GRB10: variants seen among roughly 807,000 people sequenced by gnomAD.
GRB10 encodes the protein growth factor receptor-bound protein 10.
Under a neutral mutation model 80.9 loss-of-function variants are expected in GRB10, and 20 were observed. The observed-to-expected ratio is 0.25, with a 90% CI of 0.17 to 0.36. The LOEUF (loss-of-function observed/expected upper bound fraction) is 0.36, where lower values mean the gene tolerates loss of function less well. GRB10 is among the 10% of genes least tolerant of loss of function. The pLI is 1.00. For synonymous variants in GRB10, 291 were observed against 291.5 expected, an observed-to-expected ratio of 1.00 and a Z score of 0.02; for missense variants, 548 against 747.7, an observed-to-expected ratio of 0.73 and a Z score of 3.12.
intron 8 of GRB10, among the ~76,000 whole-genome samples, chr7:50,623,477 G>A (rs1466334974): frequency 1.3e-5 from 2 of 152,196 alleles, no homozygotes; most frequent in African/African-American, 2.4e-5. Flanking sequence ...ATCCACAAGC[G>A]CAGCACAGAG....
intron 3 of GRB10, among the ~76,000 whole-genome samples, chr7:50,742,336 T>C (rs2072027337): frequency 6.7e-6 from 1 of 150,330 alleles, no homozygotes; most frequent in Non-Finnish European, 1.5e-5. Context: ...CCATTCCCAC[T>C]GATCACAACA....
chr7:50,793,037 G>A (rs1473566339), intron 1 of GRB10: 1 of 143,264 alleles, frequency 7.0e-6, no homozygotes, highest in African/African-American at 2.5e-5. Flanking sequence ...GGCCCGGGGC[G>A]CCGGAGCCCC....
Position 50,755,955 on chromosome 7 carries a change from G to T in GRB10, c.-115C>A. 2.5e-6 allele frequency: 1 copy of T among 399,064 alleles called. No individual in the cohort carries two copies. Among genetic ancestry groups the T allele is most frequent in the African/African-American group, 2.1e-5 (1 of 48,776 alleles). The allele number at this position is 399,064 out of a possible 1,614,324, so 24.7% of individuals were successfully genotyped here. On this transcript the variant is annotated 5_prime_UTR_variant, in exon 3 of 19. Transcript: ENST00000401949. ...CCCTGGCTTCACTGAGAGGACCCAG[G>T]TGAGGACCTGGCTGCCGGTCACTGG...
chr7:50,599,713 C>T (rs947967362), intron 17 of GRB10, among the ~76,000 whole-genome samples: 1 of 152,188 alleles, frequency 6.6e-6, no homozygotes, highest in African/African-American at 2.4e-5. Context: ...TATCGCTTTA[C>T]AGGTCTGGAA....
In GRB10 at chr7:50,632,417, G is replaced by A. The variant is rs1258631080; in HGVS notation, c.505-5439C>T. Among the ~76,000 whole-genome samples the A allele has an allele frequency of 2.6e-5, 4 of 152,322 alleles. 1 individual carries two copies. In the South Asian group the frequency reaches 6.2e-4, roughly 24 times the overall value. On this transcript the variant is annotated intron_variant, in intron 7 of 18. Transcript: ENST00000401949. ...AGGCCTGGTCTCAGCTCCCCAGGACGCAGCACACTGCCCAGGGCTATGGAG... is the reference window on the plus strand; with the variant it reads ...AGGCCTGGTCTCAGCTCCCCAGGACACAGCACACTGCCCAGGGCTATGGAG...
intron 3 of GRB10, among the ~76,000 whole-genome samples, chr7:50,744,438 A>G (rs989659001): frequency 1.3e-5 from 2 of 152,210 alleles, no homozygotes; most frequent in African/African-American, 4.8e-5. Flanking sequence ...CATCCCATGC[A>G]GTTAAAAGTT....
Position 50,674,584 on chromosome 7 carries a change from T to C in GRB10, c.214A>G (p.Met72Val), listed in dbSNP as rs2060718673. 6.2e-7 allele frequency: 1 copy of C among 1,613,402 alleles called. No individual in the cohort carries two copies. Among genetic ancestry groups the C allele is most frequent in the African/African-American group, 1.3e-5 (1 of 74,940 alleles). ...SLESLYSACS[M>V]QSDTVPLLQN... ...AGGAGGGGCACCGTGTCTGACTGCATGCTGCAGGCCGAGTACAGGCTCTCC... is the reference window on the plus strand; with the variant it reads ...AGGAGGGGCACCGTGTCTGACTGCACGCTGCAGGCCGAGTACAGGCTCTCC... The change falls in exon 6 of 19, where the codon ATG becomes GTG. Residue 72 changes from methionine (M) to valine (V), a missense_variant. Physicochemically the swap from Met to Val is conservative, Grantham distance 21 (BLOSUM62 1). Transcript: ENST00000401949.
At chr7:50,769,819 C>A (rs78580860) in intron 2 of GRB10, among the ~76,000 whole-genome samples, 1 of 152,130 alleles carries the variant, frequency 6.6e-6, no homozygotes, top group Admixed American at 6.5e-5. Flanking sequence ...AAAAAGCCAG[C>A]CTTCTTATTC....
intron 5 of GRB10, among the ~76,000 whole-genome samples, chr7:50,686,587 T>C (rs996043440): frequency 6.6e-6 from 1 of 152,206 alleles, no homozygotes; most frequent in Non-Finnish European, 1.5e-5. Context: ...TGGGGAGTCA[T>C]GAGAGAGGAA....
At chr7:50,750,723 A>T (rs1395005515) in intron 3 of GRB10, among the ~76,000 whole-genome samples, 1 of 152,248 alleles carries the variant, frequency 6.6e-6, no homozygotes, top group East Asian at 1.9e-4. Flanking sequence ...ACATCACAAA[A>T]GACAAGCAAG....
chr7:50,787,292 G>GAGA (rs1247264657), upstream of GRB10, among the ~76,000 whole-genome samples: 1 of 152,028 alleles, frequency 6.6e-6, no homozygotes, highest in East Asian at 1.9e-4. Context: ...GGAGGAGGAG[G>GAGA]AGGTTGCCAG....
intron 7 of GRB10, among the ~76,000 whole-genome samples, chr7:50,641,279 TGG>T (rs1231282530): frequency 1.3e-5 from 2 of 150,398 alleles, no homozygotes; most frequent in Non-Finnish European, 3.0e-5. Context: ...TCAAAAAAGG[TGG>T]GGGGGTAGCC....
intron 6 of GRB10, among the ~76,000 whole-genome samples, chr7:50,671,820 C>T (rs1308450782): frequency 6.6e-6 from 1 of 152,244 alleles, no homozygotes. Flanking sequence ...CCTGTGTTGA[C>T]TTTAAAGCGG....
Position 50,674,425 on chromosome 7 carries a change from C to A in GRB10, c.362+11G>T, listed in dbSNP as rs944448688. The A allele has an allele frequency of 1.4e-5, 23 of 1,601,808 alleles. No individual in the cohort carries two copies. The highest frequency in any genetic ancestry group is 1.9e-5 in the Non-Finnish European group (23 of 1,179,658). On this transcript the variant is annotated intron_variant, in intron 6 of 18. Transcript: ENST00000401949. Reference sequence around the variant, plus strand: ...CTTGGAGAAGGCTCTGCCCATAAGGCCTGGACCTACCTGACAGCGAGGATG... The same window carrying A: ...CTTGGAGAAGGCTCTGCCCATAAGGACTGGACCTACCTGACAGCGAGGATG...
chr7:50,632,979 G>A (rs2054288727), intron 7 of GRB10, among the ~76,000 whole-genome samples: 1 of 152,114 alleles, frequency 6.6e-6, no homozygotes, highest in Non-Finnish European at 1.5e-5. Flanking sequence ...GCAGAGTGCA[G>A]GACGGGATCC....
In GRB10 at chr7:50,743,209, A is replaced by G. The variant is rs142518415; in HGVS notation, c.-46-10841T>C. On this transcript the variant is annotated intron_variant, in intron 3 of 18. Transcript: ENST00000401949. ...ATGACCTCATTGCTTCCAACTGCACATTATTAGGTACAAGGGTCTATATGT... is the reference window on the plus strand; with the variant it reads ...ATGACCTCATTGCTTCCAACTGCACGTTATTAGGTACAAGGGTCTATATGT... 2.0e-5 allele frequency among the ~76,000 whole-genome samples: 3 copies of G among 152,306 alleles called. No homozygotes were observed. In the East Asian group the frequency reaches 5.8e-4, roughly 29 times the overall value.
intron 9 of GRB10, 54 bp downstream of exon 9, chr7:50,619,116 A>T: frequency 9.6e-7 from 1 of 1,039,666 alleles, no homozygotes; most frequent in Non-Finnish European, 1.5e-6. Flanking sequence ...ACCCAAGTAT[A>T]AACTTCAAGA....
intron 6 of GRB10, among the ~76,000 whole-genome samples, chr7:50,673,117 A>T (rs2060531890): frequency 1.3e-5 from 2 of 152,186 alleles, no homozygotes; most frequent in Admixed American, 1.3e-4. Flanking sequence ...GAAAACTCTC[A>T]GAAGTTTCTA....
intron 4 of GRB10, among the ~76,000 whole-genome samples, chr7:50,708,739 G>C (rs1031227456): frequency 2.0e-4 from 29 of 142,066 alleles, no homozygotes; most frequent in Admixed American, 3.7e-4. Flanking sequence ...GCAGTGGCGT[G>C]ATCTCGGCTC....
Sources: allele counts gnomAD v4.1 joint callset (sites outside exome capture counted in the v4.1 genomes callset), GRCh38; gene constraint gnomAD v4.1.1; transcripts MANE v1.5; gene names NCBI Gene and HGNC (gene_info 2026-07-23, HGNC 2026-07-21).